WSB2: variants seen among roughly 807,000 people sequenced by gnomAD.
WSB2 encodes WD repeat and SOCS box-containing protein 2.
A neutral mutation model predicts 48.8 loss-of-function variants in WSB2; 12 were observed. The ratio of observed to expected loss-of-function variants is 0.25; its 90% CI spans 0.16 to 0.40. The LOEUF (loss-of-function observed/expected upper bound fraction) is 0.40, where lower values mean the gene tolerates loss of function less well. Ranked by LOEUF, WSB2 falls within the 10% of genes least tolerant of loss-of-function variation. The pLI is 1.00. For missense variants in WSB2, 317 were observed against 506.2 expected (o/e 0.63, Z 3.59); for synonymous variants, 191 against 203.1 (o/e 0.94, Z 0.51).
In WSB2 at chr12:118,034,031, A is replaced by G; in HGVS notation, c.*165T>C. The G allele has an allele frequency of 1.1e-6, 1 of 900,048 alleles. No homozygotes were observed. The highest frequency in any genetic ancestry group is 1.7e-6 in the Non-Finnish European group (1 of 590,512). The allele number at this position is 900,048 out of a possible 1,614,324, so 55.8% of individuals were successfully genotyped here. On this transcript the variant is annotated 3_prime_UTR_variant, in exon 9 of 9. Coordinates refer to ENST00000315436, the MANE Select transcript of WSB2 (RefSeq NM_018639.5). ...CTGACTTTCACATGCCAGGGAGAGA[A>G]AGATCCATGACTAGTACACTGGAAT...
upstream of WSB2, chr12:118,061,243 G>T (rs866149170): frequency 1.5e-5 from 14 of 956,766 alleles, no homozygotes; most frequent in East Asian, 1.2e-4. Context: ...GAAACGGAGG[G>T]GGGGTGCGGA....
intron 4 of WSB2, among the ~76,000 whole-genome samples, chr12:118,039,856 G>A (rs1188944465): frequency 6.6e-6 from 1 of 151,496 alleles, no homozygotes; most frequent in African/African-American, 2.4e-5. Context: ...CGATTCTCCT[G>A]CCTCAGCCTC....
At chr12:118,054,898 G>A (rs1255672140) in intron 1 of WSB2, among the ~76,000 whole-genome samples, 3 of 150,912 alleles carry the variant, frequency 2.0e-5, no homozygotes, top group Non-Finnish European at 4.4e-5. Context: ...TTAGGTCTAG[G>A]CCAGGCACGG....
chr12:118,055,285 C>A, intron 1 of WSB2, among the ~76,000 whole-genome samples: 1 of 152,126 alleles, frequency 6.6e-6, no homozygotes, highest in Admixed American at 6.5e-5. Context: ...TGGGTGGAGG[C>A]CAGGGATGCT....
intron 4 of WSB2, among the ~76,000 whole-genome samples, chr12:118,042,023 T>A (rs1294447708): frequency 6.6e-6 from 1 of 152,162 alleles, no homozygotes; most frequent in Non-Finnish European, 1.5e-5. Flanking sequence ...CCCAAAGTAC[T>A]GGGATTACAG....
chr12:118,050,994 A>G (rs1211817099), intron 2 of WSB2, among the ~76,000 whole-genome samples: 3 of 151,972 alleles, frequency 2.0e-5, no homozygotes, highest in Admixed American at 6.6e-5. Flanking sequence ...GGAGGTTGCA[A>G]TAAGCTGAGA....
chr12:118,052,531 C>T, intron 1 of WSB2, 53 bp from the exon 2 acceptor site: 1 of 1,605,272 alleles, frequency 6.2e-7, no homozygotes, highest in Non-Finnish European at 8.5e-7. Context: ...TCCCTGACCA[C>T]CCAGACACAG....
intron 5 of WSB2, among the ~76,000 whole-genome samples, 174 bp from the exon 6 acceptor site, chr12:118,036,684 G>A (rs2031518802): frequency 1.3e-5 from 2 of 152,110 alleles, no homozygotes; most frequent in South Asian, 2.1e-4. Context: ...AAGGCAACTG[G>A]TCTGGATTCT....
intron 4 of WSB2, among the ~76,000 whole-genome samples, chr12:118,042,171 G>T (rs2031649926): frequency 6.6e-6 from 1 of 152,194 alleles, no homozygotes; most frequent in South Asian, 2.1e-4. Context: ...ATGCCCCATA[G>T]CCTGAGAGAA....
intron 2 of WSB2, among the ~76,000 whole-genome samples, chr12:118,048,791 T>G (rs531945065): frequency 2.9e-4 from 44 of 152,242 alleles, no homozygotes; most frequent in African/African-American, 9.9e-4. Flanking sequence ...GGATTTAAAT[T>G]TATGGTTTGT....
chr12:118,058,991 G>A (rs544272989), intron 1 of WSB2, among the ~76,000 whole-genome samples: 126 of 152,058 alleles, frequency 8.3e-4, no homozygotes, highest in African/African-American at 2.7e-3. Flanking sequence ...CCACCCCGGC[G>A]CATTTGGTTG....
Position 118,060,993 on chromosome 12 carries a change from A to C in WSB2, c.13+43T>G, listed in dbSNP as rs2032053231. 7.6e-6 allele frequency: 6 copies of C among 792,126 alleles called. No homozygotes were observed. Among genetic ancestry groups the C allele is most frequent in the Non-Finnish European group, 9.1e-6 (6 of 660,634 alleles). The allele number at this position is 792,126 out of a possible 1,614,324, so 49.1% of individuals were successfully genotyped here. On this transcript the variant is annotated intron_variant, in intron 1 of 8. Transcript: ENST00000315436. The surrounding 1 kb of genome is among the most constrained non-coding windows in gnomAD (Gnocchi z 4.1). ...CCCCCCTCCCCGGGGAGAACGGGCC[A>C]GGGCCCCGCCGGGCGGGAACGGGCG...
chr12:118,061,259 TA>T, upstream of WSB2: 1 of 716,180 alleles, frequency 1.4e-6, no homozygotes. Flanking sequence ...GCGGACGGGA[TA>T]AAAACGGTGG....
intron 2 of WSB2, among the ~76,000 whole-genome samples, chr12:118,051,389 T>C (rs1419968135): frequency 3.3e-5 from 5 of 152,160 alleles, no homozygotes; most frequent in African/African-American, 1.2e-4. Flanking sequence ...GTCCATCAAC[T>C]GATAAATGTA....
chr12:118,044,363 A>T (rs1679459520), intron 2 of WSB2, among the ~76,000 whole-genome samples: 1 of 152,198 alleles, frequency 6.6e-6, no homozygotes, highest in South Asian at 2.1e-4. Context: ...TTAGAGGCTG[A>T]ATATCCACCA....
Position 118,035,109 on chromosome 12 carries a change from G to A in WSB2, c.945-16C>T. The A allele has an allele frequency of 6.2e-7, 1 of 1,613,814 alleles. No individual in the cohort carries two copies. Among genetic ancestry groups the A allele is most frequent in the East Asian group, 2.2e-5 (1 of 44,880 alleles). On this transcript the variant is annotated splice_polypyrimidine_tract_variant and intron_variant, in intron 7 of 8. Transcript: ENST00000315436. ...CCTGAGGAGTCTGGATGGGGAGAGAGAACATCTGGATATTAGCTGACCCAG... is the reference window on the plus strand; with the variant it reads ...CCTGAGGAGTCTGGATGGGGAGAGAAAACATCTGGATATTAGCTGACCCAG...
At chr12:118,043,858 C>T (rs1174711081) in intron 2 of WSB2, among the ~76,000 whole-genome samples, 2 of 151,922 alleles carry the variant, frequency 1.3e-5, no homozygotes, top group Non-Finnish European at 2.9e-5. Flanking sequence ...GGCTCATGCC[C>T]GTAATCCCAG....
intron 2 of WSB2, among the ~76,000 whole-genome samples, chr12:118,049,448 C>G (rs2031806878): frequency 6.6e-6 from 1 of 151,892 alleles, no homozygotes; most frequent in Non-Finnish European, 1.5e-5. Flanking sequence ...GTTACCCAGG[C>G]TGGAGTGCAG....
At chr12:118,053,279 T>G (rs1055802503) in intron 1 of WSB2, among the ~76,000 whole-genome samples, 2 of 152,150 alleles carry the variant, frequency 1.3e-5, no homozygotes, top group Non-Finnish European at 2.9e-5. Flanking sequence ...GGCCACACTC[T>G]GGCCACAAAA....
Sources: allele counts gnomAD v4.1 joint callset (sites outside exome capture counted in the v4.1 genomes callset), GRCh38; gene constraint gnomAD v4.1.1; non-coding constraint Gnocchi (gnomAD v3.1); transcripts MANE v1.5; gene names NCBI Gene and HGNC (gene_info 2026-07-23, HGNC 2026-07-21).